The following WSB1 variants were observed in gnomAD, a reference collection of about 807,000 sequenced individuals.
The protein encoded by WSB1 is WD repeat and SOCS box-containing protein 1.
Under a neutral mutation model 50.2 loss-of-function variants are expected in WSB1, and 23 were observed. That is an observed-to-expected ratio of 0.46 (90% CI 0.33 to 0.65). WSB1 has a LOEUF of 0.65. Among genes scored for constraint, WSB1 ranks in the 30% least tolerant of loss-of-function variants. The pLI is 0.02. For synonymous variants in WSB1, 179 were observed against 172.0 expected, an observed-to-expected ratio of 1.04 and a Z score of -0.32; for missense variants, 492 against 522.3, an observed-to-expected ratio of 0.94 and a Z score of 0.56.
At position 27,294,132 on chromosome 17, in the gene WSB1, G is replaced by A; in HGVS notation, c.-264G>A. On this transcript the variant is annotated 5_prime_UTR_variant, in exon 1 of 9. Coordinates refer to ENST00000262394, the MANE Select transcript of WSB1 (RefSeq NM_015626.10). ...TGACTCCAGTGTCTCGTTTGCAGTC[G>A]GCGCTTTAGGGGAACTGTCTTCCTC... 3.2e-6 allele frequency: 1 copy of A among 310,642 alleles called. No individual in the cohort carries two copies. The highest frequency in any genetic ancestry group is 5.9e-6 in the Non-Finnish European group (1 of 168,622). The allele number at this position is 310,642 out of a possible 1,614,324, so 19.2% of individuals were successfully genotyped here. A position where few individuals can be genotyped will look rare whatever the true frequency, so the allele number is the denominator to read the frequency against.
chr17:27,315,127 A>G lies in WSB1; in HGVS notation c.*2758A>G, dbSNP rs1387537561. On this transcript the variant is annotated 3_prime_UTR_variant, in exon 9 of 9. Coordinates refer to ENST00000262394, the MANE Select transcript of WSB1 (RefSeq NM_015626.10). ...CCATTTGTCTGTGGGGAAGAAGGTA[A>G]TAACAGTAATAACAGACTGAAGGAC... 6.6e-6 allele frequency: 1 copy of G among 152,182 alleles called. No homozygotes were observed. The highest frequency in any genetic ancestry group is 2.4e-5 in the African/African-American group (1 of 41,460). 9.4% of individuals were successfully genotyped at this position (152,182 alleles called of 1,614,324 possible).
intron 4 of WSB1, among the ~76,000 whole-genome samples, chr17:27,306,507 G>A (rs1256820944): frequency 6.6e-6 from 1 of 152,084 alleles, no homozygotes; most frequent in Non-Finnish European, 1.5e-5. Flanking sequence ...GAGCCACCGC[G>A]CCAGGCCCCA....
chr17:27,294,315 G>A lies in WSB1; in HGVS notation c.-81G>A, dbSNP rs2016851432. Reference sequence around the variant, plus strand: ...TGGGCCCGGGAGGGACCAACTTGGCGTCACGCCCCTCAGCGGTCGCCACTC... The same window carrying A: ...TGGGCCCGGGAGGGACCAACTTGGCATCACGCCCCTCAGCGGTCGCCACTC... On this transcript the variant is annotated 5_prime_UTR_variant, in exon 1 of 9. Coordinates refer to ENST00000262394, the MANE Select transcript of WSB1 (RefSeq NM_015626.10). 8.3e-6 allele frequency: 13 copies of A among 1,573,028 alleles called. No homozygotes were observed. The highest frequency in any genetic ancestry group is 1.7e-4 in the Middle Eastern group (1 of 5,902).
chr17:27,295,244 GAT>G (rs564638960), intron 1 of WSB1, among the ~76,000 whole-genome samples: 7 of 152,212 alleles, frequency 4.6e-5, no homozygotes, highest in Non-Finnish European at 8.8e-5. Flanking sequence ...TACATTGGCT[GAT>G]AACACTTAGC....
rs370133719 is a variant in WSB1 at position 27,309,065 on chromosome 17, T to C, written c.712-35T>C. On this transcript the variant is annotated intron_variant, in intron 5 of 8. Transcript: ENST00000262394. ...TGTGCCATTTTGTCCTCTGTATGTC[T>C]GAATGAAGCTATAACATTTGCCTTT... 23 of 1,560,310 alleles carry C rather than the reference T, an allele frequency of 1.5e-5. No homozygotes were observed. In the African/African-American group the frequency reaches 2.7e-4, roughly 18 times the overall value.
chr17:27,295,724 T>A (rs745519759), intron 1 of WSB1, among the ~76,000 whole-genome samples: 5 of 152,224 alleles, frequency 3.3e-5, no homozygotes, highest in Non-Finnish European at 7.3e-5. Context: ...TGGGTTTTTC[T>A]TTTACTTTAG....
rs549014241 is a variant in WSB1 at position 27,301,851 on chromosome 17, G to A, written c.104G>A (p.Arg35His). Residue 35 changes from arginine to histidine, a missense_variant, in exon 2 of 9, where the codon CGT becomes CAT. Arg to His is a conservative substitution (Grantham distance 29, BLOSUM62 0). Transcript: ENST00000262394. Reference protein sequence around the residue: ...PAAPFDKKCGRENWTVAFAPD... With the variant: ...PAAPFDKKCGHENWTVAFAPD... ...GCTCCTTTTGACAAGAAATGTGGTC[G>A]TGAAAATTGGACTGTTGCTTTTGCT... 65 of 1,614,044 alleles carry A rather than the reference G, an allele frequency of 4.0e-5. No individual in the cohort carries two copies. Among genetic ancestry groups the A allele is most frequent in the South Asian group, 2.3e-4 (21 of 91,070 alleles).
At position 27,304,535 on chromosome 17, in the gene WSB1, CAAAAAAAAAAAAAAA is replaced by C. The variant is rs10660665; in HGVS notation, c.479-230_479-216del. On this transcript the variant is annotated intron_variant, in intron 3 of 8. Coordinates refer to ENST00000262394, the MANE Select transcript of WSB1 (RefSeq NM_015626.10). The stretch of plus-strand genomic sequence containing the variant: ...GCAACATAGTGAGACTCCATCTCTC[CAAAAAAAAAAAAAAA>C]AAAAAAAAAAAAAAGGCCAGCCGTG... 4.4e-4 allele frequency among the ~76,000 whole-genome samples: 17 copies of C among 38,696 alleles called. 1 individual carries two copies. Among genetic ancestry groups the C allele is most frequent in the East Asian group, 2.1e-3 (2 of 954 alleles). 25.4% of individuals were successfully genotyped at this position (38,696 alleles called of 152,430 possible).
rs1456305383 is a variant in WSB1, at chr17:27,313,286, C to T, written c.*917C>T. 1 of 150,632 alleles carries T rather than the reference C, an allele frequency of 6.6e-6. No individual in the cohort carries two copies. The highest frequency in any genetic ancestry group is 1.5e-5 in the Non-Finnish European group (1 of 67,708). 9.3% of individuals were successfully genotyped at this position (150,632 alleles called of 1,614,324 possible). ...TTTTTTTTTACTCCCCCTCTAAACA[C>T]TGCTGCTGCCTTAATTTTAGAAAGC... is the stretch of plus-strand genomic sequence containing the variant. On this transcript the variant is annotated 3_prime_UTR_variant, in exon 9 of 9. Transcript: ENST00000262394.
intron 1 of WSB1, among the ~76,000 whole-genome samples, chr17:27,300,307 G>A (rs555109165): frequency 6.6e-6 from 1 of 152,140 alleles, no homozygotes. Context: ...TTATTATACA[G>A]TGTACAATTG....
chr17:27,294,660 G>C (rs2016871415), intron 1 of WSB1, among the ~76,000 whole-genome samples: 1 of 152,200 alleles, frequency 6.6e-6, no homozygotes, highest in Non-Finnish European at 1.5e-5. Context: ...GTTGCTGTGT[G>C]GCTGGGGCGG....
Position 27,294,262 on chromosome 17 carries a change from G to A in WSB1, c.-134G>A. On this transcript the variant is annotated 5_prime_UTR_variant, in exon 1 of 9. Coordinates refer to ENST00000262394, the MANE Select transcript of WSB1 (RefSeq NM_015626.10). ...CGAGGCAGTTAGCAGAAGCCGCAGC[G>A]GCCGCCCCCGCCCGTCTCCTCTGTC... The A allele has an allele frequency of 3.2e-6, 4 of 1,255,574 alleles. No homozygotes were observed. The highest frequency in any genetic ancestry group is 2.2e-6 in the Non-Finnish European group (2 of 908,160). 77.8% of individuals were successfully genotyped at this position (1,255,574 alleles called of 1,614,324 possible).
At chr17:27,294,540 A>G in intron 1 of WSB1, 105 bp downstream of exon 1, 3 of 1,508,980 alleles carry the variant, frequency 2.0e-6, no homozygotes, top group Non-Finnish European at 2.7e-6. Flanking sequence ...GAAGAGCTCC[A>G]GTGCGCCAGG....
chr17:27,311,395 G>A, intron 7 of WSB1, 114 bp from the exon 8 acceptor site: 1 of 664,866 alleles, frequency 1.5e-6, no homozygotes, highest in Non-Finnish European at 2.5e-6. Context: ...GCCTGTTGGT[G>A]TGATGTGTGT....
intron 2 of WSB1, chr17:27,302,682 C>T (rs2017284946): frequency 6.6e-6 from 1 of 152,332 alleles, no homozygotes. Flanking sequence ...TCCTCAGCCT[C>T]CCTAAGTGCT....
chr17:27,310,744 C>T (rs1401431973), intron 7 of WSB1, among the ~76,000 whole-genome samples: 1 of 152,168 alleles, frequency 6.6e-6, no homozygotes, highest in Admixed American at 6.5e-5. Flanking sequence ...TTGTCTGCAA[C>T]CATTGTTTCC....
chr17:27,310,512 G>T (rs1703587202), intron 7 of WSB1, among the ~76,000 whole-genome samples: 11 of 152,106 alleles, frequency 7.2e-5, no homozygotes, highest in Admixed American at 6.6e-4. Context: ...AAAACCAAAA[G>T]AATTACAAAT....
intron 1 of WSB1, among the ~76,000 whole-genome samples, chr17:27,294,829 A>G (rs2016884646): frequency 6.6e-6 from 1 of 152,174 alleles, no homozygotes; most frequent in East Asian, 1.9e-4. Context: ...GCGGTAATGA[A>G]AGGAGGGGGT....
chr17:27,310,141 A>G lies in WSB1; in HGVS notation c.965A>G (p.Asp322Gly). 1 of 1,614,086 alleles carries G rather than the reference A, an allele frequency of 6.2e-7. No individual in the cohort carries two copies. Among genetic ancestry groups the G allele is most frequent in the Non-Finnish European group, 8.5e-7 (1 of 1,179,950 alleles). The change falls in exon 7 of 9, where the codon GAT (aspartate) becomes GGT (glycine). Residue 322 changes from aspartate (D) to glycine (G), a missense_variant. Asp to Gly is a moderately conservative substitution (Grantham distance 94, BLOSUM62 -1). Coordinates refer to ENST00000262394, the MANE Select transcript of WSB1 (RefSeq NM_015626.10). Reference sequence around the variant, plus strand: ...GTACGATCTGTATCTTTTAGCCATGATGGACTGCATGTTGCAAGCCTTGCT... The same window carrying G: ...GTACGATCTGTATCTTTTAGCCATGGTGGACTGCATGTTGCAAGCCTTGCT... ...RWVRSVSFSH[D>G]GLHVASLADD...
Sources: gnomAD v4.1 joint callset for allele counts (sites outside exome capture counted in the v4.1 genomes callset) on GRCh38, gnomAD v4.1.1 for gene constraint, MANE v1.5 for transcripts, NCBI Gene and HGNC (gene_info 2026-07-23, HGNC 2026-07-21) for gene names.